The following WDR72 variants were observed in gnomAD, a reference collection of about 807,000 sequenced individuals.
The protein encoded by WDR72 is WD repeat-containing protein 72.
WDR72 carries 120 observed loss-of-function variants against 124.2 expected under a neutral mutation model. That is an observed-to-expected ratio of 0.97 (90% CI 0.83 to 1.12). The LOEUF is 1.12. Among genes scored for constraint, WDR72 ranks in the 50% most tolerant of loss-of-function variants. The pLI is 0.00. For missense variants in WDR72, 1,387 were observed against 1,278.8 expected, an observed-to-expected ratio of 1.08 and a Z score of -1.29; for synonymous variants, 452 against 441.7, an observed-to-expected ratio of 1.02 and a Z score of -0.29.
intron 14 of WDR72, among the ~76,000 whole-genome samples, chr15:53,649,244 A>T (rs546596150): frequency 8.5e-5 from 13 of 152,254 alleles, no homozygotes; most frequent in African/African-American, 2.9e-4. Flanking sequence ...TTGGTTTTGC[A>T]TTACCAACGC....
intron 1 of WDR72, among the ~76,000 whole-genome samples, chr15:53,745,012 T>G (rs1407041931): frequency 1.4e-5 from 2 of 145,498 alleles, no homozygotes; most frequent in Non-Finnish European, 3.0e-5. Context: ...TGTATTATTT[T>G]AATTCAAACT....
intron 2 of WDR72, among the ~76,000 whole-genome samples, chr15:53,727,059 C>T (rs2018060616): frequency 1.3e-5 from 2 of 151,948 alleles, no homozygotes; most frequent in Admixed American, 6.6e-5. Flanking sequence ...TGCCTGTAAT[C>T]CCAGCACTTT....
intron 3 of WDR72, among the ~76,000 whole-genome samples, chr15:53,721,341 T>G (rs1332616970): frequency 1.3e-5 from 2 of 152,206 alleles, no homozygotes; most frequent in Non-Finnish European, 2.9e-5. Context: ...CAGTAACTTT[T>G]CAGACCTTTT....
At chr15:53,724,637 A>AC (rs1368599287) in intron 2 of WDR72, among the ~76,000 whole-genome samples, 2 of 151,988 alleles carry the variant, frequency 1.3e-5, no homozygotes, top group Admixed American at 6.6e-5. Flanking sequence ...TGAGAAAATC[A>AC]CCCCCATGAT....
intron 13 of WDR72, among the ~76,000 whole-genome samples, chr15:53,670,882 G>T (rs2015961686): frequency 6.6e-6 from 1 of 152,152 alleles, no homozygotes; most frequent in South Asian, 2.1e-4. Context: ...ACTAGAGTCT[G>T]CCTGACACCT....
intron 1 of WDR72, 102 bp from the exon 2 acceptor site, chr15:53,733,263 T>C (rs2018256976): frequency 7.8e-7 from 1 of 1,274,828 alleles, no homozygotes; most frequent in Admixed American, 1.9e-5. Context: ...ACTTCAATGA[T>C]GTGTTCTCCC....
chr15:53,712,740 T>A, intron 7 of WDR72, 32 bp downstream of exon 7: 4 of 1,598,998 alleles, frequency 2.5e-6, no homozygotes, highest in Non-Finnish European at 3.4e-6. Context: ...CACTTGTACA[T>A]CACTGGTATT....
Position 53,615,966 on chromosome 15 carries a change from G to T in WDR72, c.2240C>A (p.Thr747Asn). The change falls in exon 15 of 20, where the codon ACT becomes AAT. Residue 747 changes from threonine (T) to asparagine (N), a missense_variant. By Grantham distance (65) the Thr-to-Asn change is moderately conservative. Transcript: ENST00000360509. ...LSAEALAKPITESLAQGDNTI... is the reference protein window; with the variant it reads ...LSAEALAKPINESLAQGDNTI... The stretch of plus-strand genomic sequence containing the variant: ...ATTATCTCCTTGGGCCAGGCTTTCA[G>T]TAATAGGCTTGGCTAGTGCCTCTGC... The T allele has an allele frequency of 6.2e-7, 1 of 1,613,284 alleles. No homozygotes were observed. Among genetic ancestry groups the T allele is most frequent in the South Asian group, 1.1e-5 (1 of 91,072 alleles).
intron 18 of WDR72, among the ~76,000 whole-genome samples, chr15:53,581,546 G>A (rs1566969379): frequency 6.6e-6 from 1 of 152,028 alleles, no homozygotes; most frequent in African/African-American, 2.4e-5. Context: ...AAATTAGAAA[G>A]TTCTGTGCTT....
chr15:53,727,749 A>C, intron 2 of WDR72, among the ~76,000 whole-genome samples: 1 of 152,210 alleles, frequency 6.6e-6, no homozygotes, highest in East Asian at 1.9e-4. Context: ...ACAGAACATC[A>C]TGGCCTTTCA....
intron 13 of WDR72, among the ~76,000 whole-genome samples, chr15:53,686,189 G>C (rs1339174599): frequency 3.4e-5 from 5 of 147,494 alleles, no homozygotes; most frequent in African/African-American, 5.0e-5. Context: ...CATAATGACA[G>C]GATCAAATTC....
intron 1 of WDR72, among the ~76,000 whole-genome samples, chr15:53,753,632 A>G (rs941531326): frequency 6.6e-6 from 1 of 152,054 alleles, no homozygotes; most frequent in African/African-American, 2.4e-5. Context: ...TCCCTATCTC[A>G]CCACTTGATT....
chr15:53,747,742 G>A (rs1292045605), intron 1 of WDR72, among the ~76,000 whole-genome samples: 1 of 152,162 alleles, frequency 6.6e-6, no homozygotes, highest in Non-Finnish European at 1.5e-5. Context: ...TTCAAAGAAA[G>A]GCCAAGGGTG....
chr15:53,618,305 TC>T (rs1421548641), intron 14 of WDR72, among the ~76,000 whole-genome samples: 1 of 152,004 alleles, frequency 6.6e-6, no homozygotes, highest in Non-Finnish European at 1.5e-5. Flanking sequence ...AGATTACATC[TC>T]CCACTTATTT....
chr15:53,676,038 T>C (rs887868749), intron 13 of WDR72, among the ~76,000 whole-genome samples: 4 of 152,104 alleles, frequency 2.6e-5, no homozygotes, highest in Admixed American at 1.3e-4. Context: ...AGGCTCAGGG[T>C]ACCCTCACTA....
intron 14 of WDR72, among the ~76,000 whole-genome samples, chr15:53,618,041 A>G (rs1595797377): frequency 6.6e-6 from 1 of 151,964 alleles, no homozygotes; most frequent in South Asian, 2.1e-4. Flanking sequence ...ACTTTTTTCT[A>G]TACGTGTTAT....
At chr15:53,622,086 G>A (rs1309406619) in intron 14 of WDR72, among the ~76,000 whole-genome samples, 3 of 152,112 alleles carry the variant, frequency 2.0e-5, no homozygotes, top group Non-Finnish European at 4.4e-5. Context: ...ACCATCTCAT[G>A]CCATTCAGAA....
At chr15:53,761,087 G>T (rs1447965598), upstream of WDR72, among the ~76,000 whole-genome samples, 1 of 152,080 alleles carries the variant, frequency 6.6e-6, no homozygotes, top group Non-Finnish European at 1.5e-5. Context: ...TCACACCACT[G>T]CACTCCAACC....
chr15:53,590,301 A>G (rs1030668253), intron 18 of WDR72, among the ~76,000 whole-genome samples: 1 of 152,010 alleles, frequency 6.6e-6, no homozygotes, highest in African/African-American at 2.4e-5. Context: ...TCGGTTCCCA[A>G]AAGGAACCTT....
Sources: allele counts gnomAD v4.1 joint callset (sites outside exome capture counted in the v4.1 genomes callset), GRCh38; gene constraint gnomAD v4.1.1; transcripts MANE v1.5; gene names NCBI Gene and HGNC (gene_info 2026-07-23, HGNC 2026-07-21).